Variants in POU6F2 observed in about 807,000 individuals in gnomAD.
The protein encoded by POU6F2 is POU domain, class 6, transcription factor 2.
A neutral mutation model predicts 71.3 loss-of-function variants in POU6F2; 31 were observed. That is an observed-to-expected ratio of 0.43 (90% CI 0.33 to 0.59). POU6F2 has a LOEUF of 0.59. Ranked by LOEUF, POU6F2 falls within the 20% of genes least tolerant of loss-of-function variation. The pLI, the probability that POU6F2 is intolerant of heterozygous loss-of-function variation, is 0.04. For synonymous variants in POU6F2, 347 were observed against 355.7 expected (o/e 0.98, Z 0.27); for missense variants, 783 against 856.8 (o/e 0.91, Z 1.07).
At chr7:39,025,205 G>A (rs1461493730) in intron 1 of POU6F2, among the ~76,000 whole-genome samples, 1 of 152,180 alleles carries the variant, frequency 6.6e-6, no homozygotes, top group Non-Finnish European at 1.5e-5. Context: ...TCTATTCAGA[G>A]ATTCAACTTC....
chr7:39,084,632 A>G (rs1791196105), intron 1 of POU6F2, among the ~76,000 whole-genome samples: 1 of 152,222 alleles, frequency 6.6e-6, no homozygotes, highest in Non-Finnish European at 1.5e-5. Flanking sequence ...ATTTGATGAC[A>G]GCTTAAACTA....
At chr7:39,393,810 C>G (rs1787121722) in intron 5 of POU6F2, among the ~76,000 whole-genome samples, 1 of 152,058 alleles carries the variant, frequency 6.6e-6, no homozygotes, top group African/African-American at 2.4e-5. Flanking sequence ...CTCCATTTGC[C>G]CATGGACTGA....
chr7:39,464,178 C>T lies in POU6F2; in HGVS notation c.1659-4C>T, dbSNP rs74326675. 4.3e-6 allele frequency: 7 copies of T among 1,612,652 alleles called. No individual in the cohort carries two copies. Reference sequence around the variant, plus strand: ...GACTGTTCTTTCTCAATTTTCCCCCCCAGACACACCATCCTGAGAAGCCAC... The same window carrying T: ...GACTGTTCTTTCTCAATTTTCCCCCTCAGACACACCATCCTGAGAAGCCAC... On this transcript the variant is annotated splice_region_variant and splice_polypyrimidine_tract_variant and intron_variant, in intron 9 of 9. Transcript: ENST00000518318. The surrounding 1 kb of genome is among the most constrained non-coding windows in gnomAD (Gnocchi z 4.1).
intron 2 of POU6F2, among the ~76,000 whole-genome samples, chr7:39,178,915 AG>A (rs1177380215): frequency 6.6e-5 from 10 of 152,158 alleles, no homozygotes; most frequent in African/African-American, 1.9e-4. Context: ...GTTTGGGTAC[AG>A]GGCATTCTCA....
chr7:39,229,506 C>T (rs1049474181), intron 4 of POU6F2, among the ~76,000 whole-genome samples: 5 of 152,194 alleles, frequency 3.3e-5, no homozygotes, highest in Admixed American at 6.5e-5. Context: ...TCCAGAAACA[C>T]GTACAGGAAA....
intron 4 of POU6F2, among the ~76,000 whole-genome samples, chr7:39,215,779 A>G (rs1210809389): frequency 1.3e-5 from 2 of 152,202 alleles, no homozygotes; most frequent in Non-Finnish European, 2.9e-5. Context: ...AATGGATGAG[A>G]GGGATTAAGC....
chr7:39,141,140 A>G (rs1260731751), intron 2 of POU6F2, among the ~76,000 whole-genome samples: 2 of 152,172 alleles, frequency 1.3e-5, no homozygotes, highest in Non-Finnish European at 2.9e-5. Context: ...TTCTGGCAAG[A>G]GGTGCAACTG....
chr7:39,451,449 C>T (rs1345872993), intron 7 of POU6F2, 84 bp from the exon 8 acceptor site: 25 of 1,335,754 alleles, frequency 1.9e-5, no homozygotes, highest in Non-Finnish European at 2.4e-5. Context: ...AAATGATTCA[C>T]TCCCAGATAA....
intron 5 of POU6F2, among the ~76,000 whole-genome samples, chr7:39,344,083 A>C (rs1481757803): frequency 6.6e-6 from 1 of 152,176 alleles, no homozygotes; most frequent in Admixed American, 6.5e-5. Flanking sequence ...ACACCTATAC[A>C]TTAGAGAAGC....
chr7:39,199,446 G>A (rs1793850351), intron 2 of POU6F2, among the ~76,000 whole-genome samples: 1 of 152,164 alleles, frequency 6.6e-6, no homozygotes, highest in African/African-American at 2.4e-5. Flanking sequence ...GCTAAGAGAT[G>A]CTGAGACTGG....
chr7:39,364,693 G>A (rs1019364077), intron 5 of POU6F2, among the ~76,000 whole-genome samples: 5 of 152,082 alleles, frequency 3.3e-5, no homozygotes, highest in African/African-American at 7.2e-5. Context: ...GTGGTTCCAC[G>A]TTTATGCAAT....
chr7:39,273,912 G>C (rs1784385916), intron 4 of POU6F2, among the ~76,000 whole-genome samples: 1 of 151,694 alleles, frequency 6.6e-6, no homozygotes, highest in Non-Finnish European at 1.5e-5. Flanking sequence ...AATGCTTTTT[G>C]GAATAAACTA....
At chr7:39,309,966 C>T (rs1785129102) in intron 4 of POU6F2, among the ~76,000 whole-genome samples, 1 of 152,174 alleles carries the variant, frequency 6.6e-6, no homozygotes, top group African/African-American at 2.4e-5. Flanking sequence ...GCTCCATCGA[C>T]TTCAAAGAGG....
chr7:39,365,135 C>G (rs545878061), intron 5 of POU6F2, among the ~76,000 whole-genome samples: 42 of 152,188 alleles, frequency 2.8e-4, no homozygotes, highest in African/African-American at 9.9e-4. Flanking sequence ...ATTTCAAACT[C>G]TACTATAAGG....
At chr7:39,358,860 G>A (rs888476643) in intron 5 of POU6F2, among the ~76,000 whole-genome samples, 12 of 131,492 alleles carry the variant, frequency 9.1e-5, no homozygotes, top group African/African-American at 2.9e-4. Flanking sequence ...AAGTGGAGCT[G>A]TACTTCTGTA....
At chr7:39,112,554 G>T (rs1036656879) in intron 2 of POU6F2, among the ~76,000 whole-genome samples, 1 of 152,014 alleles carries the variant, frequency 6.6e-6, no homozygotes, top group African/African-American at 2.4e-5. Flanking sequence ...AAACTGAGTT[G>T]CCACTGGCAA....
intron 4 of POU6F2, among the ~76,000 whole-genome samples, chr7:39,301,377 C>T (rs976528281): frequency 6.6e-6 from 1 of 152,228 alleles, no homozygotes; most frequent in African/African-American, 2.4e-5. Flanking sequence ...TTATCAATCA[C>T]ATCAGCGCTG....
chr7:39,260,157 C>T (rs1416465783), intron 4 of POU6F2, among the ~76,000 whole-genome samples: 2 of 146,168 alleles, frequency 1.4e-5, no homozygotes, highest in South Asian at 2.1e-4. Flanking sequence ...TACTCATACA[C>T]ACACCGCACA....
chr7:39,146,107 G>C (rs1249362387), intron 2 of POU6F2, among the ~76,000 whole-genome samples: 1 of 152,194 alleles, frequency 6.6e-6, no homozygotes, highest in African/African-American at 2.4e-5. Context: ...ATAACCACAT[G>C]TGCTAAATGT....
Sources: gnomAD v4.1 joint callset for allele counts (sites outside exome capture counted in the v4.1 genomes callset) on GRCh38, gnomAD v4.1.1 for gene constraint, Gnocchi (gnomAD v3.1) non-coding constraint, MANE v1.5 for transcripts, NCBI Gene and HGNC (gene_info 2026-07-23, HGNC 2026-07-21) for gene names.